The following CDH18 variants were observed in gnomAD, a reference collection of about 807,000 sequenced individuals.
CDH18 encodes cadherin-18.
Under a neutral mutation model 67.9 loss-of-function variants are expected in CDH18, and 31 were observed. The ratio of observed to expected loss-of-function variants is 0.46; its 90% CI spans 0.34 to 0.62. The LOEUF (loss-of-function observed/expected upper bound fraction) is 0.62. Among genes scored for constraint, CDH18 ranks in the 20% least tolerant of loss-of-function variants. The pLI is 0.01. For missense variants in CDH18, 890 were observed against 975.5 expected, an observed-to-expected ratio of 0.91 and a Z score of 1.17; for synonymous variants, 362 against 347.2, an observed-to-expected ratio of 1.04 and a Z score of -0.48.
At chr5:19,565,567 G>A (rs1033515211) in intron 8 of CDH18, among the ~76,000 whole-genome samples, 1 of 152,114 alleles carries the variant, frequency 6.6e-6, no homozygotes, top group Admixed American at 6.6e-5. Context: ...TCCCCTTTGA[G>A]TACTTGGAAG....
chr5:20,397,237 TCTC>T (rs1395073608), intron 1 of CDH18, among the ~76,000 whole-genome samples: 1 of 152,032 alleles, frequency 6.6e-6, no homozygotes, highest in Non-Finnish European at 1.5e-5. Flanking sequence ...TTCAAGCAAT[TCTC>T]CTGCCTCAGC....
chr5:20,511,218 C>T (rs1392668936), intron 1 of CDH18, among the ~76,000 whole-genome samples: 1 of 152,054 alleles, frequency 6.6e-6, no homozygotes, highest in African/African-American at 2.4e-5. Flanking sequence ...AAAGCTTTTA[C>T]TTTATATTAC....
chr5:20,572,872 T>C (rs1758889769), intron 1 of CDH18, among the ~76,000 whole-genome samples: 1 of 152,108 alleles, frequency 6.6e-6, no homozygotes, highest in Admixed American at 6.6e-5. Flanking sequence ...ATGCAAACAA[T>C]AGTGAGAATC....
chr5:20,137,882 G>A (rs1268846439), intron 2 of CDH18, among the ~76,000 whole-genome samples: 1 of 151,996 alleles, frequency 6.6e-6, no homozygotes, highest in African/African-American at 2.4e-5. Context: ...TTCCATCAGA[G>A]GTACAAAGAG....
intron 2 of CDH18, among the ~76,000 whole-genome samples, chr5:20,048,649 G>A (rs150125421): frequency 6.6e-6 from 1 of 151,632 alleles, no homozygotes; most frequent in Non-Finnish European, 1.5e-5. Context: ...TCTTTCTACA[G>A]AATCCCCCCT....
intron 2 of CDH18, among the ~76,000 whole-genome samples, chr5:19,861,426 A>C (rs528409693): frequency 1.3e-5 from 2 of 152,238 alleles, no homozygotes; most frequent in African/African-American, 4.8e-5. Context: ...CAAAGTCCAG[A>C]GGTAAGAAGG....
chr5:20,042,139 G>A (rs76621081), intron 2 of CDH18, among the ~76,000 whole-genome samples: 2 of 152,172 alleles, frequency 1.3e-5, no homozygotes, highest in Non-Finnish European at 2.9e-5. Flanking sequence ...TCCGCCAGCT[G>A]AGAGTACCTT....
At chr5:19,531,636 C>G (rs926345093) in intron 9 of CDH18, among the ~76,000 whole-genome samples, 2 of 147,512 alleles carry the variant, frequency 1.4e-5, no homozygotes, top group Non-Finnish European at 3.0e-5. Flanking sequence ...CACACACACA[C>G]ACAAACAAAA....
intron 1 of CDH18, among the ~76,000 whole-genome samples, chr5:20,519,097 G>A (rs1304826467): frequency 6.6e-6 from 1 of 152,114 alleles, no homozygotes; most frequent in East Asian, 1.9e-4. Flanking sequence ...AATTACGGAT[G>A]ATTGAAAAAT....
At chr5:20,148,283 G>C (rs534825963) in intron 2 of CDH18, among the ~76,000 whole-genome samples, 33 of 150,706 alleles carry the variant, frequency 2.2e-4, no homozygotes, top group Non-Finnish European at 4.1e-4. Flanking sequence ...ATTTTTAATA[G>C]AGACAGGGTT....
chr5:20,098,655 T>A (rs1746192487), intron 2 of CDH18, among the ~76,000 whole-genome samples: 1 of 152,118 alleles, frequency 6.6e-6, no homozygotes, highest in South Asian at 2.1e-4. Flanking sequence ...CCTTGACTAT[T>A]TTATTATTCC....
At chr5:19,965,171 C>A (rs2150316781) in intron 2 of CDH18, among the ~76,000 whole-genome samples, 1 of 152,168 alleles carries the variant, frequency 6.6e-6, no homozygotes, top group South Asian at 2.1e-4. Context: ...ATAGATCTAT[C>A]TCACTCTATG....
intron 3 of CDH18, among the ~76,000 whole-genome samples, chr5:19,789,926 G>A (rs1776185700): frequency 2.0e-5 from 3 of 151,748 alleles, no homozygotes; most frequent in African/African-American, 7.3e-5. Flanking sequence ...AATATAATGT[G>A]TATGTAAATA....
rs114912756 is a variant in CDH18 at position 20,544,544 on chromosome 5, G to A, written c.-580+30918C>T. ...AATCATATTGGAAGGCAAAGGGGAA[G>A]CAAGGCACATCTTACATGGCAGAGG... is the stretch of plus-strand genomic sequence containing the variant. On this transcript the variant is annotated intron_variant, in intron 1 of 14. Coordinates refer to the CDH18 transcript ENST00000507958. Among the ~76,000 whole-genome samples, 757 of 151,498 alleles carry A rather than the reference G, an allele frequency of 5.0e-3. 9 individuals carry two copies. The highest frequency in any genetic ancestry group is 0.018 in the African/African-American group (723 of 40,830).
At chr5:20,020,267 T>C (rs1193512239) in intron 2 of CDH18, among the ~76,000 whole-genome samples, 1 of 152,184 alleles carries the variant, frequency 6.6e-6, no homozygotes, top group African/African-American at 2.4e-5. Flanking sequence ...ATTTGCAGCC[T>C]GACCGTGAGG....
chr5:20,146,937 C>A (rs1308971114), intron 2 of CDH18, among the ~76,000 whole-genome samples: 1 of 151,980 alleles, frequency 6.6e-6, no homozygotes, highest in Non-Finnish European at 1.5e-5. Context: ...TTCTTGACCT[C>A]TTTGAGGAAA....
chr5:20,441,312 G>C (rs962463957), intron 1 of CDH18, among the ~76,000 whole-genome samples: 1 of 151,832 alleles, frequency 6.6e-6, no homozygotes, highest in Admixed American at 6.6e-5. Flanking sequence ...TCACAGTTAT[G>C]CTGCCTTAAT....
intron 1 of CDH18, among the ~76,000 whole-genome samples, chr5:20,313,915 C>T (rs1340815480): frequency 6.6e-6 from 1 of 151,984 alleles, no homozygotes; most frequent in East Asian, 1.9e-4. Context: ...CCAACATGTA[C>T]ATTGCTGCCA....
chr5:19,473,287 C>G lies in CDH18; in HGVS notation c.2312G>C (p.Gly771Ala), dbSNP rs770313064. The G allele has an allele frequency of 3.1e-6, 5 of 1,613,722 alleles. No individual in the cohort carries two copies. The highest frequency in any genetic ancestry group is 4.2e-6 in the Non-Finnish European group (5 of 1,179,788). The change falls in exon 13 of 13, where the codon GGA becomes GCA. Residue 771 changes from glycine to alanine, a missense_variant. By Grantham distance (60) the Gly-to-Ala change is moderately conservative. Around this residue, in one of 2 missense-constraint regions of CDH18, gnomAD observed 656 missense variants for 668.1 expected, o/e 0.98. Coordinates refer to ENST00000382275, the MANE Select transcript of CDH18 (RefSeq NM_004934.5). ...DQDYHYLGDW[G>A]PEFKKLAELY... ...TTCAGCTAACTTTTTAAACTCGGGT[C>G]CCCAGTCTCCAAGGTAGTGATAATC... is the stretch of plus-strand genomic sequence containing the variant.
Sources: allele counts gnomAD v4.1 joint callset (sites outside exome capture counted in the v4.1 genomes callset), GRCh38; gene constraint gnomAD v4.1.1; regional missense constraint gnomAD v4.1.1; transcripts MANE v1.5; gene names NCBI Gene and HGNC (gene_info 2026-07-23, HGNC 2026-07-21).